The following LRP1 variants were observed in gnomAD, a reference collection of about 807,000 sequenced individuals.
The protein encoded by LRP1 is prolow-density lipoprotein receptor-related protein 1.
LRP1 carries 51 observed loss-of-function variants against 541.5 expected under a neutral mutation model. The observed-to-expected ratio is 0.09, with a 90% CI of 0.08 to 0.12. The LOEUF is 0.12. Among genes scored for constraint, LRP1 ranks in the 10% least tolerant of loss-of-function variants. The pLI is 1.00. For missense variants in LRP1, 3,878 were observed against 6,376.2 expected (o/e 0.61, Z 13.34); for synonymous variants, 2,219 against 2,470.8 (o/e 0.90, Z 3.02).
At position 57,204,896 on chromosome 12, in the gene LRP1, C is replaced by A; in HGVS notation, c.11194+147C>A. 7.2e-7 allele frequency: 1 copy of A among 1,394,728 alleles called. No homozygotes were observed. 86.4% of individuals were successfully genotyped at this position (1,394,728 alleles called of 1,614,324 possible). ...GGATCCATTGCTAGGAGCCTGGGGG[C>A]TTTTCGTTAGGAAAGAGAAGCCCCT... On this transcript the variant is annotated intron_variant, in intron 72 of 88. Coordinates refer to ENST00000243077, the MANE Select transcript of LRP1 (RefSeq NM_002332.3). The surrounding 1 kb of genome is among the most constrained non-coding windows in gnomAD (Gnocchi z 5.3).
chr12:57,128,769 C>T lies in LRP1; in HGVS notation c.-196C>T. ...TTCGGGGCAGGGGGCGCACCCCCGT[C>T]AGCAGGCCCTCCCCAAGGGGCTCGG... is the stretch of plus-strand genomic sequence containing the variant. On this transcript the variant is annotated 5_prime_UTR_variant, in exon 1 of 89. Transcript: ENST00000243077. 1 of 464,782 alleles carries T rather than the reference C, an allele frequency of 2.2e-6. No homozygotes were observed. Among genetic ancestry groups the T allele is most frequent in the Non-Finnish European group, 3.9e-6 (1 of 257,616 alleles). 28.8% of individuals were successfully genotyped at this position (464,782 alleles called of 1,614,324 possible).
intron 43 of LRP1, 94 bp from the exon 44 acceptor site, chr12:57,191,226 T>G: frequency 7.7e-7 from 1 of 1,304,094 alleles, no homozygotes; most frequent in Non-Finnish European, 1.1e-6. Flanking sequence ...GCCCTCATTC[T>G]GTAGCTGTCA....
Position 57,143,835 on chromosome 12 carries a change from G to A in LRP1, c.448+37G>A, listed in dbSNP as rs754741798. On this transcript the variant is annotated intron_variant, in intron 4 of 88. Coordinates refer to ENST00000243077, the MANE Select transcript of LRP1 (RefSeq NM_002332.3). ...CATGTGCCTGTGTGCATGTGTGTGTGCCAGTAGCCAGTTGAGGTGGGCAGG... is the reference window on the plus strand; with the variant it reads ...CATGTGCCTGTGTGCATGTGTGTGTACCAGTAGCCAGTTGAGGTGGGCAGG... 8.2e-6 allele frequency: 13 copies of A among 1,584,678 alleles called. No individual in the cohort carries two copies. In the South Asian group the frequency reaches 1.4e-4, roughly 17 times the overall value.
chr12:57,179,697 C>A lies in LRP1; in HGVS notation c.4967-85C>A. On this transcript the variant is annotated intron_variant, in intron 29 of 88. Coordinates refer to ENST00000243077, the MANE Select transcript of LRP1 (RefSeq NM_002332.3). This position sits in a 1 kb window ranked among gnomAD's most constrained non-coding sequence, Gnocchi z 6.8. ...GTGCTCCAGCCTGGTTTCCTGATCC[C>A]TTTTCTCCAGAAGGCACACTGGCTC... 1 of 1,463,600 alleles carries A rather than the reference C, an allele frequency of 6.8e-7. No homozygotes were observed. The highest frequency in any genetic ancestry group is 9.4e-7 in the Non-Finnish European group (1 of 1,059,156). The allele number at this position is 1,463,600 out of a possible 1,614,324, so 90.7% of individuals were successfully genotyped here.
chr12:57,205,695 G>A lies in LRP1; in HGVS notation c.11590+18G>A. 6.2e-7 allele frequency: 1 copy of A among 1,606,884 alleles called. No homozygotes were observed. The highest frequency in any genetic ancestry group is 2.2e-5 in the East Asian group (1 of 44,882). On this transcript the variant is annotated intron_variant, in intron 75 of 88. Transcript: ENST00000243077. This position sits in a 1 kb window ranked among gnomAD's most constrained non-coding sequence, Gnocchi z 4.6. ...GGCCGAAGGTGCCGGAGCCACCAGA[G>A]GGCAGAAAGGCTGGGTGGGGCAGGG...
At chr12:57,144,807 A>G (rs986681193) in intron 4 of LRP1, 165 bp from the exon 5 acceptor site, 2 of 674,620 alleles carry the variant, frequency 3.0e-6, no homozygotes, top group African/African-American at 3.5e-5. Context: ...CCAAGACTGG[A>G]CTTGCTGGGT....
At chr12:57,194,097 C>A in intron 48 of LRP1, 85 bp downstream of exon 48, 1 of 1,237,188 alleles carries the variant, frequency 8.1e-7, no homozygotes. Flanking sequence ...CTGCACCTGC[C>A]CACATTCCTC....
chr12:57,191,939 CACCACATACACACACCACA>C (rs2036410272), intron 44 of LRP1, among the ~76,000 whole-genome samples: 1 of 44,360 alleles, frequency 2.3e-5, no homozygotes, highest in Non-Finnish European at 5.0e-5. Flanking sequence ...ACCACACACA[CACCACATACACACACCACA>C]TACACACACC....
rs2136702482 is a variant in LRP1 at position 57,178,709 on chromosome 12, G to T, written c.4606+106G>T. 3.2e-6 allele frequency: 5 copies of T among 1,556,602 alleles called. No homozygotes were observed. In the South Asian group the frequency reaches 6.0e-5, roughly 19 times the overall value. On this transcript the variant is annotated intron_variant, in intron 27 of 88. Coordinates refer to ENST00000243077, the MANE Select transcript of LRP1 (RefSeq NM_002332.3). The surrounding 1 kb of genome is among the most constrained non-coding windows in gnomAD (Gnocchi z 5.8). ...GGGCAGTGAGAACAGGAGCAAGTCT[G>T]TGCTGGGATGGCAGGGGTAGGCCGG... is the stretch of plus-strand genomic sequence containing the variant.
At chr12:57,208,463 C>T in intron 77 of LRP1, 1 of 596,540 alleles carries the variant, frequency 1.7e-6, no homozygotes, top group Non-Finnish European at 3.0e-6. Context: ...TCATGCACAG[C>T]CACACTCTGC....
In LRP1 at chr12:57,178,042, G is replaced by A. The variant is rs1448419847; in HGVS notation, c.4362-317G>A. On this transcript the variant is annotated intron_variant, in intron 26 of 88. Transcript: ENST00000243077. The surrounding 1 kb of genome is among the most constrained non-coding windows in gnomAD (Gnocchi z 5.8). ...CGGCTCACTGCAGGCTCCGCCCCCC[G>A]GGGTTCACGCTGAGGGTGCCTTTTT... 3.3e-5 allele frequency among the ~76,000 whole-genome samples: 5 copies of A among 150,494 alleles called. No individual in the cohort carries two copies. Among genetic ancestry groups the A allele is most frequent in the African/African-American group, 1.2e-4 (5 of 40,928 alleles).
rs1490288064 is a variant in LRP1 at position 57,178,686 on chromosome 12, G to C, written c.4606+83G>C. 1.9e-6 allele frequency: 3 copies of C among 1,588,728 alleles called. No individual in the cohort carries two copies. The African/African-American group carries it at 4.0e-5, about 21-fold the overall frequency. Reference sequence around the variant, plus strand: ...GTAGAAGCTCTTAGGAGAGGAGAGGGCAGTGAGAACAGGAGCAAGTCTGTG... The same window carrying C: ...GTAGAAGCTCTTAGGAGAGGAGAGGCCAGTGAGAACAGGAGCAAGTCTGTG... On this transcript the variant is annotated intron_variant, in intron 27 of 88. Coordinates refer to ENST00000243077, the MANE Select transcript of LRP1 (RefSeq NM_002332.3). The surrounding 1 kb of genome is among the most constrained non-coding windows in gnomAD (Gnocchi z 5.8).
Position 57,160,804 on chromosome 12 carries a change from C to T in LRP1, c.1980-89C>T, listed in dbSNP as rs1470253573. 7 of 941,836 alleles carry T rather than the reference C, an allele frequency of 7.4e-6. No individual in the cohort carries two copies. The African/African-American group carries it at 1.1e-4, about 15-fold the overall frequency. The allele number at this position is 941,836 out of a possible 1,614,324, so 58.3% of individuals were successfully genotyped here. A position where few individuals can be genotyped will look rare whatever the true frequency, so the allele number is the denominator to read the frequency against. On this transcript the variant is annotated intron_variant, in intron 12 of 88. Transcript: ENST00000243077. Reference sequence around the variant, plus strand: ...CAGGACAGGAGACCCCTGTGAGGAGCTCTGGGACAGCACTCATGGATTGGG... The same window carrying T: ...CAGGACAGGAGACCCCTGTGAGGAGTTCTGGGACAGCACTCATGGATTGGG...
At chr12:57,148,159 T>C (rs909341981) in intron 6 of LRP1, among the ~76,000 whole-genome samples, 1 of 150,824 alleles carries the variant, frequency 6.6e-6, no homozygotes, top group Non-Finnish European at 1.5e-5. Context: ...GGACAAGCTT[T>C]TTTTTTTTTT....
intron 50 of LRP1, 29 bp from the exon 51 acceptor site, chr12:57,194,956 C>A (rs1401938792): frequency 6.4e-7 from 1 of 1,574,138 alleles, no homozygotes; most frequent in Admixed American, 1.7e-5. Context: ...CACCCTTCCC[C>A]ATCTAACTGT....
In LRP1 at chr12:57,143,430, C is replaced by T. The variant is rs35958371; in HGVS notation, c.329-249C>T. Among the ~76,000 whole-genome samples the T allele has an allele frequency of 8.2e-3, 1,256 of 152,330 alleles. 19 individuals carry two copies. Among genetic ancestry groups the T allele is most frequent in the African/African-American group, 0.028 (1,183 of 41,576 alleles). ...GGGGACAGAGGTAGCCCAGAACATC[C>T]AGAACAGAGACATGTGGGTTCTAAG... On this transcript the variant is annotated intron_variant, in intron 3 of 88. Transcript: ENST00000243077.
In LRP1 at chr12:57,211,047, C is replaced by T. The variant is rs2036902911; in HGVS notation, c.12917-129C>T. 1.5e-6 allele frequency: 2 copies of T among 1,371,202 alleles called. No homozygotes were observed. Among genetic ancestry groups the T allele is most frequent in the Admixed American group, 3.9e-5 (2 of 50,852 alleles). 84.9% of individuals were successfully genotyped at this position (1,371,202 alleles called of 1,614,324 possible). A position where few individuals can be genotyped will look rare whatever the true frequency, so the allele number is the denominator to read the frequency against. ...CTGCTGGCGCTTCCCCACAAAGGTG[C>T]TGGCACACTTCCCCTGAGGCAGTGC... On this transcript the variant is annotated intron_variant, in intron 83 of 88. Transcript: ENST00000243077. This position sits in a 1 kb window ranked among gnomAD's most constrained non-coding sequence, Gnocchi z 4.3.
At chr12:57,169,424 G>T (rs964517284) in intron 20 of LRP1, 117 bp downstream of exon 20, 2 of 1,028,874 alleles carry the variant, frequency 1.9e-6, no homozygotes, top group African/African-American at 3.2e-5. Context: ...GGAGCCAGAG[G>T]TAGCCTAGGC....
intron 34 of LRP1, among the ~76,000 whole-genome samples, chr12:57,182,620 C>T (rs1442401064): frequency 6.6e-6 from 1 of 151,348 alleles, no homozygotes; most frequent in Non-Finnish European, 1.5e-5. Context: ...GGTTCAAGAC[C>T]AGCCTGACCA....
Sources: gnomAD v4.1 joint callset for allele counts (sites outside exome capture counted in the v4.1 genomes callset) on GRCh38, gnomAD v4.1.1 for gene constraint, Gnocchi (gnomAD v3.1) non-coding constraint, MANE v1.5 for transcripts, NCBI Gene and HGNC (gene_info 2026-07-23, HGNC 2026-07-21) for gene names.